RIT2: variants seen among roughly 807,000 people sequenced by gnomAD.
RIT2 encodes Ras like without CAAX 2, also known as GTP-binding protein Rit2.
In RIT2, 24 loss-of-function variants were observed where a neutral mutation model predicts 23.7. That is an observed-to-expected ratio of 1.01 (90% CI 0.73 to 1.43). The LOEUF (loss-of-function observed/expected upper bound fraction) is 1.43. RIT2 is among the 40% of genes most tolerant of loss of function. The pLI is 0.00. For synonymous variants in RIT2, 107 were observed against 91.1 expected (o/e 1.17, Z -0.99); for missense variants, 236 against 266.9 (o/e 0.88, Z 0.81).
intron 4 of RIT2, among the ~76,000 whole-genome samples, chr18:42,801,917 A>G (rs1053579275): frequency 6.6e-6 from 1 of 152,230 alleles, no homozygotes; most frequent in Non-Finnish European, 1.5e-5. Flanking sequence ...ACAGCACGGA[A>G]AACTGGGCTT....
intron 4 of RIT2, among the ~76,000 whole-genome samples, chr18:42,831,293 A>G (rs1301537417): frequency 6.6e-6 from 1 of 152,194 alleles, no homozygotes; most frequent in South Asian, 2.1e-4. Context: ...TCTCATAAAG[A>G]TAGTTTTATA....
In RIT2 at chr18:42,869,846, G is replaced by A. The variant is rs539100889; in HGVS notation, c.426+53726C>T. Among the ~76,000 whole-genome samples the A allele has an allele frequency of 2.7e-4, 41 of 152,230 alleles. 1 individual carries two copies. The South Asian group carries it at 8.1e-3, about 30-fold the overall frequency. On this transcript the variant is annotated intron_variant, in intron 4 of 4. Coordinates refer to ENST00000326695, the MANE Select transcript of RIT2 (RefSeq NM_002930.4). ...AAACTAGTGAATCCACAAGTCATGA[G>A]GGAAAGCTTAAAGGATAATGTTCTT...
intron 1 of RIT2, among the ~76,000 whole-genome samples, chr18:43,036,322 C>T (rs540189015): frequency 6.6e-6 from 1 of 152,160 alleles, no homozygotes; most frequent in South Asian, 2.1e-4. Flanking sequence ...GGTGGATCAC[C>T]TGAGGTCAGG....
chr18:43,043,631 A>G (rs945357424), intron 1 of RIT2, among the ~76,000 whole-genome samples: 1 of 151,986 alleles, frequency 6.6e-6, no homozygotes, highest in East Asian at 1.9e-4. Context: ...TCTCTATTAA[A>G]AATACAAAAT....
At chr18:42,994,134 C>T (rs927708713) in intron 2 of RIT2, among the ~76,000 whole-genome samples, 1 of 152,104 alleles carries the variant, frequency 6.6e-6, no homozygotes, top group South Asian at 2.1e-4. Flanking sequence ...CTCAAACATG[C>T]TTTCTTTACT....
chr18:42,873,834 C>T (rs1338552011), intron 4 of RIT2, among the ~76,000 whole-genome samples: 1 of 152,126 alleles, frequency 6.6e-6, no homozygotes, highest in Non-Finnish European at 1.5e-5. Context: ...ATTAACTTCT[C>T]TATCCTTGGA....
chr18:42,820,954 T>A (rs964092913), intron 4 of RIT2, among the ~76,000 whole-genome samples: 2 of 152,152 alleles, frequency 1.3e-5, no homozygotes, highest in African/African-American at 4.8e-5. Context: ...TGGTATTGAA[T>A]TCACAGGAGA....
intron 1 of RIT2, among the ~76,000 whole-genome samples, chr18:43,093,797 A>G (rs952563371): frequency 6.6e-6 from 1 of 152,102 alleles, no homozygotes; most frequent in African/African-American, 2.4e-5. Flanking sequence ...CTCTCCGGTC[A>G]GTACTGACAC....
chr18:43,098,205 G>T (rs1374674319), intron 1 of RIT2, among the ~76,000 whole-genome samples: 1 of 151,956 alleles, frequency 6.6e-6, no homozygotes, highest in Non-Finnish European at 1.5e-5. Flanking sequence ...AACTTGCAGT[G>T]TTGGAAGTTG....
At chr18:42,866,765 C>A (rs552316986) in intron 4 of RIT2, among the ~76,000 whole-genome samples, 1 of 151,982 alleles carries the variant, frequency 6.6e-6, no homozygotes, top group South Asian at 2.1e-4. Flanking sequence ...TAATATTTAA[C>A]CTCAGTATTA....
At chr18:42,944,938 G>A (rs963322614) in intron 3 of RIT2, among the ~76,000 whole-genome samples, 2 of 152,042 alleles carry the variant, frequency 1.3e-5, no homozygotes, top group African/African-American at 2.4e-5. Context: ...AAGTCTCTCT[G>A]CATTGAACCA....
intron 1 of RIT2, among the ~76,000 whole-genome samples, chr18:43,044,305 T>C (rs1912197487): frequency 2.0e-5 from 3 of 152,294 alleles, no homozygotes; most frequent in African/African-American, 7.2e-5. Context: ...TTCTAATTAA[T>C]GCATTTCTAC....
chr18:42,884,714 A>G (rs533815308), intron 4 of RIT2, among the ~76,000 whole-genome samples: 1 of 152,332 alleles, frequency 6.6e-6, no homozygotes, highest in East Asian at 1.9e-4. Context: ...GCTACCTGAC[A>G]AGCATGGGAA....
At chr18:42,937,841 A>C (rs2144153833) in intron 3 of RIT2, among the ~76,000 whole-genome samples, 1 of 152,330 alleles carries the variant, frequency 6.6e-6, no homozygotes, top group African/African-American at 2.4e-5. Flanking sequence ...TAGTAATTGT[A>C]ACTATTTAGG....
chr18:42,925,126 T>C (rs1322135497), intron 3 of RIT2, among the ~76,000 whole-genome samples: 2 of 152,096 alleles, frequency 1.3e-5, no homozygotes, highest in Non-Finnish European at 2.9e-5. Flanking sequence ...CACTGTATCA[T>C]ATTACTTAGC....
At chr18:42,998,101 C>T (rs988660275) in intron 2 of RIT2, among the ~76,000 whole-genome samples, 1 of 152,120 alleles carries the variant, frequency 6.6e-6, no homozygotes, top group African/African-American at 2.4e-5. Context: ...CTTCTAAACA[C>T]ACAGGACTTT....
intron 4 of RIT2, among the ~76,000 whole-genome samples, chr18:42,800,788 C>A (rs887703011): frequency 6.6e-6 from 1 of 152,132 alleles, no homozygotes; most frequent in Non-Finnish European, 1.5e-5. Flanking sequence ...GCCTCGGCCT[C>A]CCAGAGTGCT....
chr18:43,034,902 C>A (rs1172774392), intron 1 of RIT2, among the ~76,000 whole-genome samples: 1 of 152,178 alleles, frequency 6.6e-6, no homozygotes, highest in Non-Finnish European at 1.5e-5. Context: ...AACCCCTCCC[C>A]TCTCACCTTC....
intron 1 of RIT2, among the ~76,000 whole-genome samples, chr18:43,109,234 T>C (rs1229501996): frequency 6.6e-6 from 1 of 152,236 alleles, no homozygotes; most frequent in Non-Finnish European, 1.5e-5. Context: ...ATATGTTTGT[T>C]TATTTTAGAA....
Sources: gnomAD v4.1 joint callset for allele counts (sites outside exome capture counted in the v4.1 genomes callset) on GRCh38, gnomAD v4.1.1 for gene constraint, MANE v1.5 for transcripts, NCBI Gene and HGNC (gene_info 2026-07-23, HGNC 2026-07-21) for gene names.